Variants in CDH13 observed in about 807,000 individuals in gnomAD.
CDH13 encodes the protein cadherin 13, also known as cadherin-13.
CDH13 carries 24 observed loss-of-function variants against 63.8 expected under a neutral mutation model. That is an observed-to-expected ratio of 0.38 (90% CI 0.27 to 0.53). The LOEUF (loss-of-function observed/expected upper bound fraction) is 0.53. CDH13 is among the 20% of genes least tolerant of loss of function. The probability of loss-of-function intolerance (pLI) is 0.85; values close to 1 mark genes in which losing one functional copy is unlikely to be tolerated. For synonymous variants in CDH13, 503 were observed against 355.3 expected (o/e 1.42, Z -4.67); for missense variants, 1,049 against 903.1 (o/e 1.16, Z -2.07).
chr16:83,256,658 C>T (rs1474389157), intron 5 of CDH13, among the ~76,000 whole-genome samples: 6 of 123,058 alleles, frequency 4.9e-5, no homozygotes, highest in Non-Finnish European at 9.9e-5. Flanking sequence ...GGTGAAACCC[C>T]GTCTCTACTA....
Position 82,854,061 on chromosome 16 carries a change from G to A in CDH13, c.46-4301G>A, listed in dbSNP as rs114913567. On this transcript the variant is annotated intron_variant, in intron 1 of 13. Coordinates refer to ENST00000567109, the MANE Select transcript of CDH13 (RefSeq NM_001257.5). ...TGAATGAAATTGAAGAGCGGATATC[G>A]GTGGCAAGTTCAAGCATAGATACTG... is the stretch of plus-strand genomic sequence containing the variant. 3.8e-3 allele frequency among the ~76,000 whole-genome samples: 571 copies of A among 152,178 alleles called. 3 individuals carry two copies. Among genetic ancestry groups the A allele is most frequent in the African/African-American group, 0.013 (537 of 41,522 alleles).
At chr16:83,578,802 G>A (rs1905275570) in intron 7 of CDH13, among the ~76,000 whole-genome samples, 1 of 152,164 alleles carries the variant, frequency 6.6e-6, no homozygotes, top group South Asian at 2.1e-4. Flanking sequence ...CTCAATAAAT[G>A]TCCACTATTC....
At chr16:83,102,824 G>A (rs1246238461) in intron 3 of CDH13, among the ~76,000 whole-genome samples, 3 of 151,492 alleles carry the variant, frequency 2.0e-5, no homozygotes, top group East Asian at 3.9e-4. Context: ...TGAAGATGGA[G>A]GTCATTAACC....
At chr16:83,502,817 A>G (rs2074311696) in intron 7 of CDH13, among the ~76,000 whole-genome samples, 1 of 152,220 alleles carries the variant, frequency 6.6e-6, no homozygotes, top group African/African-American at 2.4e-5. Context: ...GAGATGACAC[A>G]GGAGTGTTCT....
intron 8 of CDH13, among the ~76,000 whole-genome samples, chr16:83,666,647 G>C (rs908646578): frequency 6.6e-6 from 1 of 152,146 alleles, no homozygotes; most frequent in Non-Finnish European, 1.5e-5. Context: ...GCTTGCCTTT[G>C]TTCTGCAAAG....
At chr16:82,992,366 T>C (rs1472237825) in intron 2 of CDH13, among the ~76,000 whole-genome samples, 2 of 152,198 alleles carry the variant, frequency 1.3e-5, no homozygotes, top group African/African-American at 2.4e-5. Context: ...TAAATGGAGA[T>C]TTTGATATAT....
chr16:82,984,177 G>A (rs779115377), intron 2 of CDH13, among the ~76,000 whole-genome samples: 1 of 152,198 alleles, frequency 6.6e-6, no homozygotes, highest in African/African-American at 2.4e-5. Context: ...GGAAGAGCAA[G>A]GAACCTGGAT....
chr16:83,331,104 T>G (rs74034152), intron 5 of CDH13, among the ~76,000 whole-genome samples: 1 of 152,306 alleles, frequency 6.6e-6, no homozygotes, highest in African/African-American at 2.4e-5. Flanking sequence ...CTGAGTACCT[T>G]AAACAATCAC....
intron 5 of CDH13, among the ~76,000 whole-genome samples, chr16:83,243,211 C>G (rs1248056563): frequency 5.3e-5 from 8 of 152,152 alleles, no homozygotes; most frequent in Non-Finnish European, 1.0e-4. Context: ...CTGTACTAGT[C>G]TGTTTCACGC....
chr16:83,351,996 T>C (rs1187827636), intron 6 of CDH13, among the ~76,000 whole-genome samples: 1 of 152,228 alleles, frequency 6.6e-6, no homozygotes, highest in African/African-American at 2.4e-5. Flanking sequence ...GAATCCTTGC[T>C]GGATATTGTG....
At chr16:83,685,551 G>C (rs1428027564) in intron 10 of CDH13, among the ~76,000 whole-genome samples, 3 of 152,186 alleles carry the variant, frequency 2.0e-5, no homozygotes, top group Non-Finnish European at 4.4e-5. Context: ...AAATTCACTG[G>C]TGAAAGAAAT....
intron 3 of CDH13, among the ~76,000 whole-genome samples, chr16:83,076,965 C>G (rs1262953228): frequency 1.9e-4 from 29 of 152,140 alleles, no homozygotes; most frequent in Admixed American, 1.9e-3. Flanking sequence ...ACCCAAACCC[C>G]CATCAAGATA....
intron 7 of CDH13, among the ~76,000 whole-genome samples, chr16:83,584,357 G>C (rs1905939961): frequency 6.6e-6 from 1 of 152,096 alleles, no homozygotes; most frequent in Non-Finnish European, 1.5e-5. Context: ...CATGGTTTTT[G>C]CTTCCAAGCA....
chr16:83,232,029 G>C (rs1447830069), intron 5 of CDH13, among the ~76,000 whole-genome samples: 1 of 139,374 alleles, frequency 7.2e-6, no homozygotes, highest in Non-Finnish European at 1.6e-5. Flanking sequence ...AGAACACATG[G>C]ACACAAGGCG....
rs1294329696 is a variant in CDH13, at chr16:83,161,678, TA to T, written c.483+36180del. Among the ~76,000 whole-genome samples, 7 of 152,192 alleles carry T rather than the reference TA, an allele frequency of 4.6e-5. 1 individual carries two copies. Among genetic ancestry groups the T allele is most frequent in the Admixed American group, 4.6e-4 (7 of 15,274 alleles). On this transcript the variant is annotated intron_variant, in intron 4 of 13. Transcript: ENST00000567109. ...GCATGGATTTGCATATTTATAGAGTTAAAGAATCACCCACCATGGTTCTCTT... is the reference window on the plus strand; with the variant it reads ...GCATGGATTTGCATATTTATAGAGTTAAGAATCACCCACCATGGTTCTCTT...
At chr16:82,642,863 G>T (rs1909590983) in intron 1 of CDH13, among the ~76,000 whole-genome samples, 1 of 152,108 alleles carries the variant, frequency 6.6e-6, no homozygotes, top group South Asian at 2.1e-4. Context: ...TCATAGGTGG[G>T]GAAACTTCAG....
rs1917875935 is a variant in CDH13 at position 83,047,229 on chromosome 16, G to T, written c.366+15011G>T. On this transcript the variant is annotated intron_variant, in intron 3 of 13. Coordinates refer to ENST00000567109, the MANE Select transcript of CDH13 (RefSeq NM_001257.5). The surrounding 1 kb of genome is among the most constrained non-coding windows in gnomAD (Gnocchi z 4.9). Reference sequence around the variant, plus strand: ...CCTGCCCCTCACTCTTACTCCAGAGGCCTGTGTATTTATTTATTTATTTAT... The same window carrying T: ...CCTGCCCCTCACTCTTACTCCAGAGTCCTGTGTATTTATTTATTTATTTAT... Among the ~76,000 whole-genome samples the T allele has an allele frequency of 6.7e-6, 1 of 149,910 alleles. No homozygotes were observed. The highest frequency in any genetic ancestry group is 1.5e-5 in the Non-Finnish European group (1 of 66,896).
chr16:83,774,865 T>A (rs1411969937), intron 11 of CDH13, among the ~76,000 whole-genome samples: 4 of 152,180 alleles, frequency 2.6e-5, no homozygotes, highest in Non-Finnish European at 4.4e-5. Flanking sequence ...ATGGTGGTGA[T>A]GTTCCCACAA....
chr16:82,710,150 A>G (rs916570987), intron 1 of CDH13, among the ~76,000 whole-genome samples: 2 of 147,518 alleles, frequency 1.4e-5, no homozygotes, highest in Non-Finnish European at 3.0e-5. Context: ...TTCTATATAA[A>G]TATATTTTAA....
Sources: allele counts gnomAD v4.1 joint callset (sites outside exome capture counted in the v4.1 genomes callset), GRCh38; gene constraint gnomAD v4.1.1; non-coding constraint Gnocchi (gnomAD v3.1); transcripts MANE v1.5; gene names NCBI Gene and HGNC (gene_info 2026-07-23, HGNC 2026-07-21).